The following LINGO3 variants were observed in gnomAD, a reference collection of about 807,000 sequenced individuals.
LINGO3 encodes leucine-rich repeat and immunoglobulin-like domain-containing nogo receptor-interacting protein 3.
For synonymous variants in LINGO3, 427 were observed against 444.2 expected, an observed-to-expected ratio of 0.96 and a Z score of 0.49; for missense variants, 750 against 867.7, an observed-to-expected ratio of 0.86 and a Z score of 1.70.
At chr19:2,307,996 C>T in the LINGO3 span, among the ~76,000 whole-genome samples, 6 of 151,604 alleles carry the variant, frequency 4.0e-5, no homozygotes, top group African/African-American at 1.5e-4. Context: ...GGGCTTTGGG[C>T]GGCAGGGTCG....
At chr19:2,294,845 G>A (rs2025558872), upstream of LINGO3, among the ~76,000 whole-genome samples, 1 of 152,124 alleles carries the variant, frequency 6.6e-6, no homozygotes, top group Admixed American at 6.5e-5. The surrounding 1 kb of genome is among the most constrained non-coding windows in gnomAD (Gnocchi z 4.3). Flanking sequence ...GGAGGAAGCA[G>A]CCAGAACTAC....
chr19:2,291,831 G>C lies in LINGO3; in HGVS notation c.-55C>G, dbSNP rs1450825232. On this transcript the variant is annotated 5_prime_UTR_variant, in exon 1 of 1. Transcript: ENST00000585527. ...ACCATCCTCCTGCGCACCTGCGGGC[G>C]GGCGGGGAGCGGGCAGCGTTAGCAC... 2.8e-6 allele frequency: 4 copies of C among 1,424,792 alleles called. No homozygotes were observed. In the Admixed American group the frequency reaches 8.4e-5, roughly 30 times the overall value. 88.3% of individuals were successfully genotyped at this position (1,424,792 alleles called of 1,614,324 possible).
chr19:2,301,797 G>A, the LINGO3 span, among the ~76,000 whole-genome samples: 17 of 151,654 alleles, frequency 1.1e-4, no homozygotes, highest in East Asian at 3.0e-3. Context: ...GCATGGTGGC[G>A]GGCACCTGTA....
At chr19:2,308,007 C>A in the LINGO3 span, among the ~76,000 whole-genome samples, 1 of 151,678 alleles carries the variant, frequency 6.6e-6, no homozygotes, top group African/African-American at 2.4e-5. Context: ...GGCAGGGTCG[C>A]AGGGTGCAGG....
At chr19:2,303,854 T>G in the LINGO3 span, among the ~76,000 whole-genome samples, 18 of 152,328 alleles carry the variant, frequency 1.2e-4, no homozygotes, top group Non-Finnish European at 2.2e-4. Flanking sequence ...AATGGCCCCT[T>G]GTCCACTCCA....
upstream of LINGO3, among the ~76,000 whole-genome samples, chr19:2,292,271 A>C (rs1599164711): frequency 7.7e-6 from 1 of 130,354 alleles, no homozygotes; most frequent in South Asian, 2.4e-4. Context: ...GGTGGCCTGC[A>C]CCTGTGGTCC....
At chr19:2,297,521 TC>T in the LINGO3 span, among the ~76,000 whole-genome samples, 1 of 150,910 alleles carries the variant, frequency 6.6e-6, no homozygotes, top group African/African-American at 2.4e-5. Flanking sequence ...GCCAGGATGG[TC>T]TCGATCTCCT....
At chr19:2,294,613 C>T (rs566497884), upstream of LINGO3, among the ~76,000 whole-genome samples, 37 of 146,874 alleles carry the variant, frequency 2.5e-4, no homozygotes, top group Middle Eastern at 6.8e-3. The surrounding 1 kb of genome is among the most constrained non-coding windows in gnomAD (Gnocchi z 4.3). Context: ...TGGAGGGGGG[C>T]GGGGAGCTGG....
chr19:2,304,474 T>C, the LINGO3 span, among the ~76,000 whole-genome samples: 2 of 152,114 alleles, frequency 1.3e-5, no homozygotes, highest in African/African-American at 4.8e-5. Flanking sequence ...TAAGTAAGAA[T>C]TGTGAGATCA....
At chr19:2,293,095 T>C (rs1599165075), upstream of LINGO3, among the ~76,000 whole-genome samples, 1 of 146,344 alleles carries the variant, frequency 6.8e-6, no homozygotes, top group African/African-American at 2.7e-5. Context: ...GACGGAGTCT[T>C]GCTCTGTCAC....
In LINGO3 at chr19:2,290,511, G is replaced by A. The variant is rs572365402; in HGVS notation, c.1266C>T (p.Gly422=). Residue 422 remains glycine (G), a synonymous_variant, in exon 1 of 1, where the codon GGC becomes GGT. Coordinates refer to ENST00000585527, the Ensembl canonical transcript of LINGO3. This position sits in a 1 kb window ranked among gnomAD's most constrained non-coding sequence, Gnocchi z 6.0. ...CGCGGCAGAGGAAGCGGACGTCTTCGCCCGCGGTGGCCGTGACGCGCTGCA... is the reference window on the plus strand; with the variant it reads ...CGCGGCAGAGGAAGCGGACGTCTTCACCCGCGGTGGCCGTGACGCGCTGCA... 7 of 1,504,894 alleles carry A rather than the reference G, an allele frequency of 4.7e-6. No individual in the cohort carries two copies. In the African/African-American group the frequency reaches 1.0e-4, roughly 21 times the overall value. 93.2% of individuals were successfully genotyped at this position (1,504,894 alleles called of 1,614,324 possible).
the LINGO3 span, among the ~76,000 whole-genome samples, chr19:2,304,535 G>A: frequency 2.3e-3 from 356 of 151,700 alleles, 1 homozygote; most frequent in African/African-American, 8.4e-3. Flanking sequence ...GGGTCCTCAC[G>A]AGAGGAGGCG....
upstream of LINGO3, among the ~76,000 whole-genome samples, chr19:2,294,205 A>T (rs977537196): frequency 2.6e-5 from 4 of 152,156 alleles, no homozygotes; most frequent in Admixed American, 6.6e-5. The surrounding 1 kb of genome is among the most constrained non-coding windows in gnomAD (Gnocchi z 4.3). Flanking sequence ...CCTTACAACA[A>T]GAGGGAGACT....
chr19:2,307,392 G>A, the LINGO3 span, among the ~76,000 whole-genome samples: 3 of 152,200 alleles, frequency 2.0e-5, no homozygotes, highest in Non-Finnish European at 4.4e-5. Flanking sequence ...CCGGACCAAG[G>A]CACGAGGTGC....
chr19:2,301,291 G>A, the LINGO3 span, among the ~76,000 whole-genome samples: 1 of 151,318 alleles, frequency 6.6e-6, no homozygotes, highest in African/African-American at 2.4e-5. Flanking sequence ...ATTAATGCAG[G>A]TCTCTCTTTC....
the LINGO3 span, among the ~76,000 whole-genome samples, chr19:2,303,442 G>C: frequency 6.6e-6 from 1 of 152,120 alleles, no homozygotes; most frequent in East Asian, 1.9e-4. Flanking sequence ...ATGGGGAGCC[G>C]GGGTCAGCAG....
chr19:2,296,228 T>C (rs2025570498), upstream of LINGO3, among the ~76,000 whole-genome samples: 1 of 152,014 alleles, frequency 6.6e-6, no homozygotes, highest in Non-Finnish European at 1.5e-5. Flanking sequence ...CCCCCGACCC[T>C]GCACCTCCCC....
At chr19:2,303,011 C>T in the LINGO3 span, among the ~76,000 whole-genome samples, 4 of 152,252 alleles carry the variant, frequency 2.6e-5, no homozygotes, top group East Asian at 7.7e-4. Flanking sequence ...CATCCACGCC[C>T]TGTTACAAAT....
chr19:2,304,689 C>T, the LINGO3 span, among the ~76,000 whole-genome samples: 1 of 150,500 alleles, frequency 6.6e-6, no homozygotes, highest in Non-Finnish European at 1.5e-5. Flanking sequence ...AGCAGGAGGG[C>T]CCAGCCTTGG....
Sources: allele counts gnomAD v4.1 joint callset (sites outside exome capture counted in the v4.1 genomes callset), GRCh38; gene constraint gnomAD v4.1.1; non-coding constraint Gnocchi (gnomAD v3.1); transcripts MANE v1.5; gene names NCBI Gene and HGNC (gene_info 2026-07-23, HGNC 2026-07-21).